Variants in EPGN observed in about 807,000 individuals in gnomAD.
EPGN encodes the protein epithelial mitogen.
Under a neutral mutation model 20.7 loss-of-function variants are expected in EPGN, and 21 were observed. The observed-to-expected ratio is 1.01, with a 90% confidence interval of 0.72 to 1.46. The LOEUF (loss-of-function observed/expected upper bound fraction) is 1.46. Among genes scored for constraint, EPGN ranks in the 40% most tolerant of loss-of-function variants. The pLI, the probability that EPGN is intolerant of heterozygous loss-of-function variation, is 0.00. For missense variants in EPGN, 199 were observed against 180.7 expected (o/e 1.10, Z -0.58); for synonymous variants, 69 against 63.8 (o/e 1.08, Z -0.39).
intron 2 of EPGN, among the ~76,000 whole-genome samples, chr4:74,310,783 C>A (rs1336740910): frequency 1.3e-5 from 2 of 152,100 alleles, no homozygotes; most frequent in Non-Finnish European, 2.9e-5. Flanking sequence ...TAGACACACA[C>A]CCATGTACTT....
In EPGN at chr4:74,314,950, A is replaced by G; in HGVS notation, c.*313A>G. 1 of 330,246 alleles carries G rather than the reference A, an allele frequency of 3.0e-6. No individual in the cohort carries two copies. The highest frequency in any genetic ancestry group is 5.5e-6 in the Non-Finnish European group (1 of 180,906). The allele number at this position is 330,246 out of a possible 1,614,324, so 20.5% of individuals were successfully genotyped here. On this transcript the variant is annotated 3_prime_UTR_variant, in exon 5 of 5. Transcript: ENST00000413830. ...TGAGTTTCATGCTCCTGGCTATGTC[A>G]GATGTGAATTTTCATGGGAATAATA...
intron 2 of EPGN, among the ~76,000 whole-genome samples, 174 bp from the exon 3 acceptor site, chr4:74,312,011 A>G (rs985438940): frequency 6.6e-6 from 1 of 152,208 alleles, no homozygotes; most frequent in African/African-American, 2.4e-5. Flanking sequence ...ATATGTCTAG[A>G]TGATATTAAC....
intron 2 of EPGN, among the ~76,000 whole-genome samples, chr4:74,310,199 T>C (rs994873232): frequency 1.3e-5 from 2 of 152,046 alleles, no homozygotes; most frequent in African/African-American, 4.8e-5. Flanking sequence ...CAGTGGCTCG[T>C]GCCTGTAATC....
At chr4:74,312,871 G>C in intron 3 of EPGN, 147 bp from the exon 4 acceptor site, 1 of 668,450 alleles carries the variant, frequency 1.5e-6, no homozygotes, top group Non-Finnish European at 2.4e-6. Context: ...CTGCTTCATT[G>C]CCCGTAACAG....
chr4:74,311,105 A>T (rs1182383062), intron 2 of EPGN, among the ~76,000 whole-genome samples: 2 of 152,166 alleles, frequency 1.3e-5, no homozygotes, highest in Non-Finnish European at 2.9e-5. Flanking sequence ...TTATAAAGTT[A>T]TGATCATTCT....
At chr4:74,310,979 G>A (rs1560579226) in intron 2 of EPGN, among the ~76,000 whole-genome samples, 1 of 152,096 alleles carries the variant, frequency 6.6e-6, no homozygotes. Context: ...GAATACAGAG[G>A]TACAACTGTA....
At position 74,314,788 on chromosome 4, in the gene EPGN, G is replaced by C. The variant is rs1751192651; in HGVS notation, c.*151G>C. On this transcript the variant is annotated 3_prime_UTR_variant, in exon 5 of 5. Transcript: ENST00000413830. Reference sequence around the variant, plus strand: ...CAATGAAATGAGAAGATAAAATTCAGCGTTGGCCTTTAGACTTTGCCATCC... The same window carrying C: ...CAATGAAATGAGAAGATAAAATTCACCGTTGGCCTTTAGACTTTGCCATCC... The C allele has an allele frequency of 1.3e-6, 1 of 750,380 alleles. No homozygotes were observed. Among genetic ancestry groups the C allele is most frequent in the Non-Finnish European group, 2.1e-6 (1 of 471,270 alleles). 46.5% of individuals were successfully genotyped at this position (750,380 alleles called of 1,614,324 possible). A position where few individuals can be genotyped will look rare whatever the true frequency, so the allele number is the denominator to read the frequency against.
intron 2 of EPGN, among the ~76,000 whole-genome samples, chr4:74,310,428 CT>C (rs547892511): frequency 0.17 from 23,701 of 139,032 alleles, 2,049 homozygotes; most frequent in African/African-American, 0.2. Flanking sequence ...GGCCATTGCA[CT>C]CCAGCCGGGG....
intron 2 of EPGN, among the ~76,000 whole-genome samples, chr4:74,310,483 A>G (rs976311143): frequency 6.6e-6 from 1 of 150,910 alleles, no homozygotes; most frequent in African/African-American, 2.4e-5. Flanking sequence ...AAAAAAAAAA[A>G]AAGAAGATAA....
At chr4:74,311,206 C>A (rs952888929) in intron 2 of EPGN, among the ~76,000 whole-genome samples, 9 of 151,922 alleles carry the variant, frequency 5.9e-5, no homozygotes, top group Non-Finnish European at 1.0e-4. Context: ...TAGTTTCAGG[C>A]TTAGTTAATC....
In EPGN at chr4:74,315,731, C is replaced by A. The variant is rs1423774905; in HGVS notation, c.*1094C>A. Among the ~76,000 whole-genome samples, 2 of 152,086 alleles carry A rather than the reference C, an allele frequency of 1.3e-5. No homozygotes were observed. The highest frequency in any genetic ancestry group is 6.5e-5 in the Admixed American group (1 of 15,270). ...CTTTGGGAGGCCGAGGCGGATGGAG[C>A]ACCTGAGGTCAGGAGTTTGAGACCA... On this transcript the variant is annotated 3_prime_UTR_variant, in exon 5 of 5. Transcript: ENST00000413830.
At chr4:74,310,288 C>T (rs1560578588) in intron 2 of EPGN, among the ~76,000 whole-genome samples, 1 of 151,508 alleles carries the variant, frequency 6.6e-6, no homozygotes. Flanking sequence ...ATGGTGAAAC[C>T]CTGTCTCTAC....
At chr4:74,309,204 A>G in intron 2 of EPGN, 22 bp downstream of exon 2, 1 of 1,601,860 alleles carries the variant, frequency 6.2e-7, no homozygotes, top group Non-Finnish European at 8.5e-7. Context: ...CCATTTTCAT[A>G]TTTCACAAGA....
rs200784402 is a variant in EPGN at position 74,315,952 on chromosome 4, C to CA, written c.*1332dup. Among the ~76,000 whole-genome samples the CA allele has an allele frequency of 0.12, 13,423 of 111,314 alleles. 1,033 individuals are homozygous for CA. Among genetic ancestry groups the CA allele is most frequent in the African/African-American group, 0.23 (7,763 of 33,234 alleles). 73.0% of individuals were successfully genotyped at this position (111,314 alleles called of 152,430 possible). On this transcript the variant is annotated 3_prime_UTR_variant, in exon 5 of 5. Coordinates refer to ENST00000413830, the MANE Select transcript of EPGN (RefSeq NM_001270989.2). Reference sequence around the variant, plus strand: ...GGGTGACAAGAGCGAAACTCCATCTCAAAAAAAAAAAAAAAAATCAGTATC... The same window carrying CA: ...GGGTGACAAGAGCGAAACTCCATCTCAAAAAAAAAAAAAAAAAATCAGTATC...
exon 5 of EPGN, among the ~76,000 whole-genome samples, chr4:74,316,788 AAG>A (rs1293287220): frequency 6.6e-6 from 1 of 152,222 alleles, no homozygotes; most frequent in African/African-American, 2.4e-5. Flanking sequence ...TAAAAGGAAA[AAG>A]AAATTAATGC....
rs1751220420 is a variant in EPGN, at chr4:74,315,362, T to A, written c.*725T>A. Reference sequence around the variant, plus strand: ...GGAGTAGGCAAAGCATTTCCATTTCTACATGGATTATAAAACTTTGTGTTG... The same window carrying A: ...GGAGTAGGCAAAGCATTTCCATTTCAACATGGATTATAAAACTTTGTGTTG... On this transcript the variant is annotated 3_prime_UTR_variant, in exon 5 of 5. Transcript: ENST00000413830. 1 of 152,388 alleles carries A rather than the reference T, an allele frequency of 6.6e-6. No individual in the cohort carries two copies. The highest frequency in any genetic ancestry group is 2.4e-5 in the African/African-American group (1 of 41,600). The allele number at this position is 152,388 out of a possible 1,614,324, so 9.4% of individuals were successfully genotyped here.
chr4:74,308,692 T>C, intron 1 of EPGN, 116 bp downstream of exon 1: 1 of 812,124 alleles, frequency 1.2e-6, no homozygotes, highest in Non-Finnish European at 1.9e-6. Context: ...ATGACAAAGA[T>C]CAGAGTAATG....
intron 3 of EPGN, 55 bp downstream of exon 3, chr4:74,312,360 G>A (rs1751018345): frequency 6.4e-7 from 1 of 1,561,676 alleles, no homozygotes. Context: ...TTATGTCTCT[G>A]TTGTTTCATA....
chr4:74,308,952 GC>G, intron 1 of EPGN, 140 bp from the exon 2 acceptor site: 1 of 655,788 alleles, frequency 1.5e-6, no homozygotes, highest in Admixed American at 2.6e-5. Context: ...TAAGTATGTT[GC>G]CCTAGTCACG....
Sources: gnomAD v4.1 joint callset for allele counts (sites outside exome capture counted in the v4.1 genomes callset) on GRCh38, gnomAD v4.1.1 for gene constraint, MANE v1.5 for transcripts, NCBI Gene and HGNC (gene_info 2026-07-23, HGNC 2026-07-21) for gene names.